Variants in MSRA observed in about 807,000 individuals in gnomAD.
The protein encoded by MSRA is methionine sulfoxide reductase A.
Under a neutral mutation model 31.3 loss-of-function variants are expected in MSRA, and 54 were observed. The ratio of observed to expected loss-of-function variants is 1.73; its 90% CI spans 1.39 to 2.17. MSRA has a LOEUF of 2.17. Among genes scored for constraint, MSRA ranks in the 30% most tolerant of loss-of-function variants. MSRA has a pLI of 0.00. For synonymous variants in MSRA, 169 were observed against 116.5 expected (o/e 1.45, Z -2.90); for missense variants, 507 against 300.9 (o/e 1.69, Z -5.07).
At chr8:10,183,805 GTGGTGCTGCTGC>G (rs1311611281) in intron 1 of MSRA, among the ~76,000 whole-genome samples, 7 of 148,722 alleles carry the variant, frequency 4.7e-5, no homozygotes, top group African/African-American at 1.0e-4. Context: ...GGTGGTGGTG[GTGGTGCTGCTGC>G]TGCTGCTGCT....
intron 1 of MSRA, among the ~76,000 whole-genome samples, chr8:10,119,832 T>C (rs1297735293): frequency 1.3e-5 from 2 of 152,078 alleles, no homozygotes; most frequent in Admixed American, 1.3e-4. Flanking sequence ...GAAATGTACC[T>C]AAGAGGGATA....
chr8:10,351,884 A>G (rs1053997518), intron 5 of MSRA, among the ~76,000 whole-genome samples: 7 of 152,212 alleles, frequency 4.6e-5, no homozygotes, highest in African/African-American at 1.4e-4. Flanking sequence ...TTTTAAGGCT[A>G]TGAGGTGCTT....
intron 2 of MSRA, among the ~76,000 whole-genome samples, chr8:10,229,932 G>A (rs1466521918): frequency 2.0e-5 from 3 of 152,132 alleles, no homozygotes; most frequent in African/African-American, 7.2e-5. Context: ...TTCCACTTTC[G>A]AAGCCTCAAT....
chr8:10,357,794 T>C (rs111424796), intron 5 of MSRA, among the ~76,000 whole-genome samples: 1,542 of 152,322 alleles, frequency 0.01, 27 homozygotes, highest in African/African-American at 0.035. Context: ...GTGCGTATGT[T>C]GGGGAGGGAG....
At chr8:10,197,604 G>T (rs528515333) in intron 1 of MSRA, among the ~76,000 whole-genome samples, 19 of 152,190 alleles carry the variant, frequency 1.2e-4, no homozygotes, top group Non-Finnish European at 2.5e-4. Flanking sequence ...CATTCTAACT[G>T]TGATGGGGTT....
intron 1 of MSRA, among the ~76,000 whole-genome samples, chr8:10,115,184 A>T (rs1800587876): frequency 6.6e-6 from 1 of 152,256 alleles, no homozygotes. Context: ...GTAAAGTTAT[A>T]TCCCTGTCTC....
At chr8:10,144,459 G>C (rs1563146449) in intron 1 of MSRA, among the ~76,000 whole-genome samples, 2 of 152,158 alleles carry the variant, frequency 1.3e-5, no homozygotes, top group African/African-American at 4.8e-5. Flanking sequence ...GCTTAGACTG[G>C]TGACTGGCAC....
At chr8:10,351,450 C>T (rs915844359) in intron 5 of MSRA, among the ~76,000 whole-genome samples, 1 of 152,000 alleles carries the variant, frequency 6.6e-6, no homozygotes, top group Non-Finnish European at 1.5e-5. Flanking sequence ...GATGGGGTTT[C>T]ACCATGTTGA....
intron 2 of MSRA, among the ~76,000 whole-genome samples, chr8:10,226,713 T>G (rs1263110689): frequency 6.6e-6 from 1 of 151,708 alleles, no homozygotes; most frequent in Non-Finnish European, 1.5e-5. Context: ...ATATGTTTGT[T>G]TGTTTGTTTG....
chr8:10,058,964 C>T (rs1041065340), intron 1 of MSRA: 1 of 152,102 alleles, frequency 6.6e-6, no homozygotes, highest in Non-Finnish European at 1.5e-5. Flanking sequence ...ATGAATTGGC[C>T]TACTTTGAAT....
chr8:10,146,351 G>T (rs1563148832), intron 1 of MSRA, among the ~76,000 whole-genome samples: 2 of 152,176 alleles, frequency 1.3e-5, no homozygotes, highest in Admixed American at 6.5e-5. Flanking sequence ...ATAAAAGAAA[G>T]ACATCCCCAG....
intron 1 of MSRA, among the ~76,000 whole-genome samples, chr8:10,076,974 A>T (rs1198292645): frequency 6.6e-6 from 1 of 151,642 alleles, no homozygotes; most frequent in Non-Finnish European, 1.5e-5. Context: ...GTTGATAGGT[A>T]AATGTGTGCC....
intron 5 of MSRA, among the ~76,000 whole-genome samples, chr8:10,325,234 AG>A (rs1217601976): frequency 6.6e-6 from 1 of 152,234 alleles, no homozygotes; most frequent in East Asian, 1.9e-4. Context: ...GAGGTGAGAA[AG>A]AAAAACACAG....
intron 1 of MSRA, among the ~76,000 whole-genome samples, chr8:10,071,150 C>T (rs1038466833): frequency 7.9e-5 from 12 of 152,170 alleles, no homozygotes; most frequent in African/African-American, 2.7e-4. Flanking sequence ...TTCTCTGCAT[C>T]CTCTCTAGCA....
intron 5 of MSRA, among the ~76,000 whole-genome samples, chr8:10,343,558 C>G (rs763731339): frequency 2.0e-5 from 3 of 152,178 alleles, no homozygotes; most frequent in Non-Finnish European, 2.9e-5. Context: ...TCCCCAACCA[C>G]TCTTTAATTG....
At chr8:10,174,488 C>T (rs1383102054) in intron 1 of MSRA, among the ~76,000 whole-genome samples, 2 of 152,090 alleles carry the variant, frequency 1.3e-5, no homozygotes, top group South Asian at 2.1e-4. Flanking sequence ...TCTCTTGCTG[C>T]GTCCACTGGA....
At chr8:10,248,912 T>C (rs1468650142) in intron 3 of MSRA, among the ~76,000 whole-genome samples, 2 of 152,196 alleles carry the variant, frequency 1.3e-5, no homozygotes, top group Non-Finnish European at 2.9e-5. Context: ...CTGCTCTGAA[T>C]CACAGTGGAG....
intron 1 of MSRA, chr8:10,096,090 C>T (rs1371675941): frequency 7.5e-7 from 1 of 1,330,940 alleles, no homozygotes; most frequent in East Asian, 2.7e-5. Flanking sequence ...CATTTATAGA[C>T]ATTAACTTTT....
At position 10,113,292 on chromosome 8, in the gene MSRA, C is replaced by CTTTTTTTTTTTTTTTTT. The variant is rs10665004; in HGVS notation, c.142+58640_142+58656dup. Among the ~76,000 whole-genome samples the CTTTTTTTTTTTTTTTTT allele has an allele frequency of 7.5e-3, 433 of 57,540 alleles. 71 individuals carry two copies. The highest frequency in any genetic ancestry group is 0.018 in the African/African-American group (224 of 12,720). The allele number at this position is 57,540 out of a possible 152,430, so 37.7% of individuals were successfully genotyped here. A position where few individuals can be genotyped will look rare whatever the true frequency, so the allele number is the denominator to read the frequency against. ...CATGGCTTTGGTGAAGACAGGTCTT[C>CTTTTTTTTTTTTTTTTT]TTTTTTTTTTTTTTTTTTTTTTGGA... On this transcript the variant is annotated intron_variant, in intron 1 of 5. Transcript: ENST00000317173.
Sources: gnomAD v4.1 joint callset for allele counts (sites outside exome capture counted in the v4.1 genomes callset) on GRCh38, gnomAD v4.1.1 for gene constraint, MANE v1.5 for transcripts, NCBI Gene and HGNC (gene_info 2026-07-23, HGNC 2026-07-21) for gene names.